Variants in CLBA1 observed in about 807,000 individuals in gnomAD.
The protein encoded by CLBA1 is uncharacterized protein CLBA1.
CLBA1 carries 30 observed loss-of-function variants against 28.8 expected under a neutral mutation model. The observed-to-expected ratio is 1.04, with a 90% CI of 0.78 to 1.41. CLBA1 has a LOEUF of 1.41. CLBA1 is among the 40% of genes most tolerant of loss of function. The pLI is 0.00. For missense variants in CLBA1, 451 were observed against 412.3 expected (o/e 1.09, Z -0.81); for synonymous variants, 160 against 152.8 (o/e 1.05, Z -0.35).
downstream of CLBA1, among the ~76,000 whole-genome samples, chr14:104,996,697 C>T (rs558692233): frequency 1.1e-4 from 17 of 152,340 alleles, no homozygotes; most frequent in South Asian, 4.1e-4. Context: ...GGCTGAAGAA[C>T]GGAGAAATCA....
chr14:104,993,417 G>A, intron 4 of CLBA1: 3 of 985,440 alleles, frequency 3.0e-6, no homozygotes, highest in Non-Finnish European at 3.6e-6. Context: ...TGTGACTGTT[G>A]GGCCAGGGGA....
chr14:104,998,571 GTT>G (rs1014342889), downstream of CLBA1, among the ~76,000 whole-genome samples: 1 of 152,092 alleles, frequency 6.6e-6, no homozygotes. Context: ...CTCTCTTTTT[GTT>G]TTTTGTTTTT....
chr14:104,989,144 A>T, intron 2 of CLBA1, 56 bp downstream of exon 2: 1 of 1,567,650 alleles, frequency 6.4e-7, no homozygotes, highest in Non-Finnish European at 8.7e-7. Context: ...TTTGTTTGAT[A>T]AAAGTAGGTG....
chr14:104,990,305 T>C (rs1899985332), intron 2 of CLBA1: 2 of 155,384 alleles, frequency 1.3e-5, no homozygotes. Context: ...TTTTTGGAAA[T>C]GGTTTGGTGT....
chr14:104,992,241 GCACACACAC>G lies in CLBA1; in HGVS notation c.699+629_699+637del, dbSNP rs547085368. Among the ~76,000 whole-genome samples, 8 of 149,850 alleles carry G rather than the reference GCACACACAC, an allele frequency of 5.3e-5. No homozygotes were observed. In the South Asian group the frequency reaches 6.4e-4, roughly 12 times the overall value. Reference sequence around the variant, plus strand: ...CATGCCGCCACGCACACGCCACCAAGCACACACACCACACACGCCACCACATGCGCCACT... The same window carrying G: ...CATGCCGCCACGCACACGCCACCAAGCACACACGCCACCACATGCGCCACT... On this transcript the variant is annotated intron_variant, in intron 3 of 4. Transcript: ENST00000547315.
At chr14:104,989,850 G>C in intron 2 of CLBA1, 1 of 393,992 alleles carries the variant, frequency 2.5e-6, no homozygotes. Context: ...TTGTGTCTCT[G>C]AGCAGGCCTG....
intron 3 of CLBA1, among the ~76,000 whole-genome samples, chr14:104,992,042 ACACGCCACCACG>A (rs1900043355): frequency 1.5e-5 from 2 of 137,772 alleles, no homozygotes; most frequent in African/African-American, 5.6e-5. Context: ...GCCGCCACGC[ACACGCCACCACG>A]CACACGCCGC....
rs1175837062 is a variant in CLBA1, at chr14:104,989,497, G to GA, written c.569+413dup. 14 of 438,672 alleles carry GA rather than the reference G, an allele frequency of 3.2e-5. No individual in the cohort carries two copies. In the East Asian group the frequency reaches 9.1e-4, roughly 29 times the overall value. The allele number at this position is 438,672 out of a possible 1,614,324, so 27.2% of individuals were successfully genotyped here. On this transcript the variant is annotated intron_variant, in intron 2 of 4. Coordinates refer to ENST00000547315, the MANE Select transcript of CLBA1 (RefSeq NM_174891.4). Reference sequence around the variant, plus strand: ...CATGGTTCTCAGCCACAGAGTTCTAGAAAACGTTCCACACTCTGGAGCCCC... The same window carrying GA: ...CATGGTTCTCAGCCACAGAGTTCTAGAAAAACGTTCCACACTCTGGAGCCCC...
intron 3 of CLBA1, among the ~76,000 whole-genome samples, chr14:104,992,684 G>A (rs1900067590): frequency 6.6e-6 from 1 of 152,252 alleles, no homozygotes; most frequent in African/African-American, 2.4e-5. Flanking sequence ...AGCCTGAAGG[G>A]TGTGTCTGAA....
intron 1 of CLBA1, among the ~76,000 whole-genome samples, chr14:104,988,505 A>G (rs772930137): frequency 6.6e-5 from 10 of 151,840 alleles, no homozygotes; most frequent in Admixed American, 3.9e-4. Context: ...ACACCCAGCT[A>G]ATTTTTGTAT....
rs144585171 is a variant in CLBA1, at chr14:104,994,316, C to T, written c.817-282C>T. On this transcript the variant is annotated intron_variant, in intron 4 of 4. Transcript: ENST00000547315. ...GCAGCCTCCACCAGGGAGTGCCAGA[C>T]ACGTAGCACAAGGGCCAGAGACCCC... The T allele has an allele frequency of 3.0e-6, 3 of 985,428 alleles. No homozygotes were observed. The East Asian group carries it at 3.4e-4, about 112-fold the overall frequency. The allele number at this position is 985,428 out of a possible 1,614,324, so 61.0% of individuals were successfully genotyped here. A position where few individuals can be genotyped will look rare whatever the true frequency, so the allele number is the denominator to read the frequency against.
intron 2 of CLBA1, 77 bp from the exon 3 acceptor site, chr14:104,991,414 C>A: frequency 1.3e-6 from 2 of 1,578,548 alleles, no homozygotes; most frequent in Non-Finnish European, 1.7e-6. Context: ...CGCCCCGCTG[C>A]GTGCCTCGGG....
In CLBA1 at chr14:104,986,438, G is replaced by A; in HGVS notation, c.7G>A (p.Gly3Ser). 4 of 1,612,262 alleles carry A rather than the reference G, an allele frequency of 2.5e-6. No individual in the cohort carries two copies. The highest frequency in any genetic ancestry group is 3.4e-6 in the Non-Finnish European group (4 of 1,179,840). MQ[G>S]RRELGGEPLS... ...CTGGCCTGGGGGCTCCAAGATGCAA[G>A]GCCGGCGGGAGCTGGGGGGAGAGCC... Residue 3 changes from glycine to serine, a missense_variant, in exon 1 of 5, where the codon GGC becomes AGC. Physicochemically the swap from Gly to Ser is moderately conservative, Grantham distance 56. Coordinates refer to ENST00000547315, the MANE Select transcript of CLBA1 (RefSeq NM_174891.4).
In CLBA1 at chr14:104,986,663, TGGGG is replaced by T; in HGVS notation, c.235_238del (p.Gly79SerfsTer52). ...TGACCCTGGGGAACACAGCAGCACT[TGGGG>T]GGAGTTTGAAGGCTTTCGGGAATCT... On this transcript the variant is annotated frameshift_variant, in exon 1 of 5. Coordinates refer to ENST00000547315, the MANE Select transcript of CLBA1 (RefSeq NM_174891.4). LOFTEE classifies it high-confidence loss of function. The T allele has an allele frequency of 6.2e-7, 1 of 1,613,976 alleles. No homozygotes were observed. Among genetic ancestry groups the T allele is most frequent in the East Asian group, 2.2e-5 (1 of 44,870 alleles).
At position 104,991,519 on chromosome 14, in the gene CLBA1, C is replaced by G. The variant is rs1327445929; in HGVS notation, c.598C>G (p.Leu200Val). The G allele has an allele frequency of 6.2e-7, 1 of 1,614,026 alleles. No individual in the cohort carries two copies. Among genetic ancestry groups the G allele is most frequent in the Non-Finnish European group, 8.5e-7 (1 of 1,179,896 alleles). ...CGAATCCAGAAAACTCTGGAGAGCCCTTCAGAGCATACACACCACGTCTAC... is the reference window on the plus strand; with the variant it reads ...CGAATCCAGAAAACTCTGGAGAGCCGTTCAGAGCATACACACCACGTCTAC... ...CNESRKLWRA[L>V]QSIHTTSTSQ... Residue 200 changes from leucine (L) to valine (V), a missense_variant, in exon 3 of 5, where the codon CTT becomes GTT. Physicochemically the swap from Leu to Val is conservative, Grantham distance 32 (BLOSUM62 1). Coordinates refer to ENST00000547315, the MANE Select transcript of CLBA1 (RefSeq NM_174891.4).
rs769506891 is a variant in CLBA1 at position 104,994,674 on chromosome 14, G to A, written c.893G>A (p.Gly298Asp). 3 of 1,614,082 alleles carry A rather than the reference G, an allele frequency of 1.9e-6. No individual in the cohort carries two copies. Among genetic ancestry groups the A allele is most frequent in the Non-Finnish European group, 2.5e-6 (3 of 1,180,000 alleles). Residue 298 changes from glycine to aspartate, a missense_variant, in exon 5 of 5, where the codon GGT (glycine) becomes GAT (aspartate). Coordinates refer to ENST00000547315, the MANE Select transcript of CLBA1 (RefSeq NM_174891.4). ...SRFLKTPSCG[G>D]GQHITIPRKR... ...TTCCTGAAGACCCCCTCATGCGGAG[G>A]TGGCCAGCACATCACTATTCCAAGG...
intron 1 of CLBA1, among the ~76,000 whole-genome samples, chr14:104,987,807 ATG>A (rs1001764234): frequency 7.1e-6 from 1 of 140,298 alleles, no homozygotes; most frequent in Non-Finnish European, 1.5e-5. Flanking sequence ...ATATATATAT[ATG>A]TATGTTTAGT....
At chr14:104,998,244 C>CA (rs904752585), downstream of CLBA1, among the ~76,000 whole-genome samples, 11 of 147,092 alleles carry the variant, frequency 7.5e-5, no homozygotes, top group African/African-American at 1.3e-4. Flanking sequence ...CCCATCTCTA[C>CA]AAAAAAGTAA....
chr14:104,989,356 G>A (rs182008589), intron 2 of CLBA1: 384 of 456,510 alleles, frequency 8.4e-4, no homozygotes, highest in African/African-American at 7.1e-3. Context: ...TTGGGTCTCA[G>A]TGCCAGTGCT....
Sources: gnomAD v4.1 joint callset for allele counts (sites outside exome capture counted in the v4.1 genomes callset) on GRCh38, gnomAD v4.1.1 for gene constraint, MANE v1.5 for transcripts, NCBI Gene and HGNC (gene_info 2026-07-23, HGNC 2026-07-21) for gene names.